RPTOR: variants seen among roughly 807,000 people sequenced by gnomAD.
The protein encoded by RPTOR is regulatory-associated protein of mTOR.
A neutral mutation model predicts 169.9 loss-of-function variants in RPTOR; 21 were observed. The ratio of observed to expected loss-of-function variants is 0.12; its 90% CI spans 0.09 to 0.18. RPTOR has a LOEUF of 0.18. Ranked by LOEUF, RPTOR falls within the 10% of genes least tolerant of loss-of-function variation. The pLI, the probability that RPTOR is intolerant of heterozygous loss-of-function variation, is 1.00. For missense variants in RPTOR, 1,133 were observed against 1,855.9 expected, an observed-to-expected ratio of 0.61 and a Z score of 7.16; for synonymous variants, 732 against 753.2, an observed-to-expected ratio of 0.97 and a Z score of 0.46.
At position 80,923,550 on chromosome 17, in the gene RPTOR, G is replaced by T; in HGVS notation, c.2685G>T (p.Gln895His). The T allele has an allele frequency of 6.2e-7, 1 of 1,613,398 alleles. No homozygotes were observed. The highest frequency in any genetic ancestry group is 8.5e-7 in the Non-Finnish European group (1 of 1,180,002). The change falls in exon 23 of 34, where the codon CAG becomes CAT. Residue 895 changes from glutamine to histidine, a missense_variant. This residue lies in a region of RPTOR where 123 missense variants were observed against 129.0 expected (regional missense o/e 0.95). Coordinates refer to ENST00000306801, the MANE Select transcript of RPTOR (RefSeq NM_020761.3). The part of the protein sequence containing the change: ...SSSLTNDVAK[Q>H]PVSRDLPSGR... ...GCCTGACCAACGATGTGGCCAAGCA[G>T]CCGGTCAGCCGAGACTTGCCTTCTG... is the stretch of plus-strand genomic sequence containing the variant.
rs748067949 is a variant in RPTOR at position 80,923,737 on chromosome 17, A to G, written c.2808+64A>G. On this transcript the variant is annotated intron_variant, in intron 23 of 33. Transcript: ENST00000306801. ...AGCGTTGCTTCTCAGATGGGGGCTC[A>G]TGGCCTCAGCCTCAGGCTGCTCACA... The G allele has an allele frequency of 1.9e-5, 28 of 1,468,842 alleles. 1 individual carries two copies. The South Asian group carries it at 3.5e-4, about 19-fold the overall frequency. 91.0% of individuals were successfully genotyped at this position (1,468,842 alleles called of 1,614,324 possible).
intron 4 of RPTOR, among the ~76,000 whole-genome samples, chr17:80,723,752 A>G (rs1407100315): frequency 6.6e-6 from 1 of 151,412 alleles, no homozygotes; most frequent in Non-Finnish European, 1.5e-5. Flanking sequence ...AAACACATGC[A>G]TATTGATTTG....
At chr17:80,760,180 C>T (rs1159646468) in intron 6 of RPTOR, among the ~76,000 whole-genome samples, 4 of 152,062 alleles carry the variant, frequency 2.6e-5, no homozygotes, top group Admixed American at 2.0e-4. Flanking sequence ...AAGGGGCAGA[C>T]GCACTTGGGT....
intron 1 of RPTOR, among the ~76,000 whole-genome samples, chr17:80,549,018 A>G (rs984039339): frequency 6.6e-6 from 1 of 152,206 alleles, no homozygotes; most frequent in Non-Finnish European, 1.5e-5. Context: ...AAGTTGACTG[A>G]CTGATGACTC....
chr17:80,809,499 G>T (rs1047659812), intron 7 of RPTOR, among the ~76,000 whole-genome samples: 1 of 152,170 alleles, frequency 6.6e-6, no homozygotes, highest in African/African-American at 2.4e-5. Context: ...CCATCTTACC[G>T]AAGTATAACA....
chr17:80,640,023 A>G (rs1284844525), intron 2 of RPTOR, among the ~76,000 whole-genome samples: 1 of 152,204 alleles, frequency 6.6e-6, no homozygotes, highest in Admixed American at 6.5e-5. Flanking sequence ...GTAAAGTTCT[A>G]AGTATCTTGA....
At chr17:80,694,381 G>A (rs150087188) in intron 3 of RPTOR, among the ~76,000 whole-genome samples, 5 of 152,230 alleles carry the variant, frequency 3.3e-5, no homozygotes, top group Non-Finnish European at 7.3e-5. Flanking sequence ...CAGGTGAGGC[G>A]CATGGTAGAT....
At chr17:80,712,002 C>T (rs957390370) in intron 4 of RPTOR, among the ~76,000 whole-genome samples, 3 of 152,032 alleles carry the variant, frequency 2.0e-5, no homozygotes, top group Admixed American at 2.0e-4. Context: ...CCTTGGCCTC[C>T]CAAAGTGCTG....
At chr17:80,828,057 C>G (rs2067463833) in intron 9 of RPTOR, among the ~76,000 whole-genome samples, 1 of 152,182 alleles carries the variant, frequency 6.6e-6, no homozygotes, top group Admixed American at 6.5e-5. Context: ...CAGGCGCATC[C>G]CTGGGACAGG....
intron 3 of RPTOR, among the ~76,000 whole-genome samples, chr17:80,692,190 C>T (rs1022969226): frequency 6.6e-6 from 1 of 152,174 alleles, no homozygotes; most frequent in African/African-American, 2.4e-5. Flanking sequence ...TAGTTCACTG[C>T]AGCCTCAACC....
At chr17:80,560,368 G>A (rs2084465469) in intron 1 of RPTOR, among the ~76,000 whole-genome samples, 1 of 152,178 alleles carries the variant, frequency 6.6e-6, no homozygotes, top group African/African-American at 2.4e-5. Flanking sequence ...TACTATCATC[G>A]AGCCCCTTCT....
chr17:80,575,714 T>C (rs892842778), intron 1 of RPTOR, among the ~76,000 whole-genome samples: 4 of 152,242 alleles, frequency 2.6e-5, no homozygotes, highest in Non-Finnish European at 5.9e-5. Flanking sequence ...TTTATACGTG[T>C]CCATTAAGTC....
intron 5 of RPTOR, among the ~76,000 whole-genome samples, chr17:80,738,972 T>G (rs1036890562): frequency 1.5e-5 from 2 of 129,252 alleles, no homozygotes; most frequent in African/African-American, 6.0e-5. Context: ...CCAAAAATTC[T>G]TAGAGTTTAA....
rs1200900192 is a variant in RPTOR, at chr17:80,609,807, GTT to G, written c.163-15883_163-15882del. ...TGTGTGTGTGTGTGTGTGTGTGTGT[GTT>G]AAGAGAGCCATTGTAGGCTACATGC... On this transcript the variant is annotated intron_variant, in intron 1 of 33. Transcript: ENST00000306801. The surrounding 1 kb of genome is among the most constrained non-coding windows in gnomAD (Gnocchi z 4.8). Among the ~76,000 whole-genome samples, 1 of 146,768 alleles carries G rather than the reference GTT, an allele frequency of 6.8e-6. No homozygotes were observed. Among genetic ancestry groups the G allele is most frequent in the African/African-American group, 2.5e-5 (1 of 39,716 alleles).
chr17:80,869,411 C>T (rs2143793230), intron 13 of RPTOR, among the ~76,000 whole-genome samples: 1 of 152,332 alleles, frequency 6.6e-6, no homozygotes, highest in Admixed American at 6.5e-5. Context: ...CGTGCCTCAG[C>T]CTCTAAAGTG....
chr17:80,892,987 A>G, intron 19 of RPTOR, 118 bp downstream of exon 19: 1 of 1,234,096 alleles, frequency 8.1e-7, no homozygotes, highest in Non-Finnish European at 1.1e-6. Context: ...GCGTGCCCTG[A>G]AGTCCCATCT....
intron 1 of RPTOR, among the ~76,000 whole-genome samples, chr17:80,623,276 C>CTGA (rs1000485661): frequency 1.1e-3 from 168 of 152,204 alleles, no homozygotes; most frequent in African/African-American, 3.9e-3. Context: ...CTTTCAAAAC[C>CTGA]TGAAAAGAAT....
chr17:80,818,313 T>C (rs955164645), intron 7 of RPTOR, among the ~76,000 whole-genome samples: 7 of 152,150 alleles, frequency 4.6e-5, no homozygotes, highest in Non-Finnish European at 1.0e-4. Context: ...TGATTAACAC[T>C]CTGAATTTAA....
At chr17:80,547,348 T>C (rs1170284505) in intron 1 of RPTOR, among the ~76,000 whole-genome samples, 1 of 152,192 alleles carries the variant, frequency 6.6e-6, no homozygotes, top group African/African-American at 2.4e-5. Flanking sequence ...TTTTTTGTTG[T>C]TGTTATTTTG....
Sources: gnomAD v4.1 joint callset for allele counts (sites outside exome capture counted in the v4.1 genomes callset) on GRCh38, gnomAD v4.1.1 for gene constraint, gnomAD v4.1.1 regional missense constraint, Gnocchi (gnomAD v3.1) non-coding constraint, MANE v1.5 for transcripts, NCBI Gene and HGNC (gene_info 2026-07-23, HGNC 2026-07-21) for gene names.